The following SAMMSON variants were observed in gnomAD, a reference collection of about 807,000 sequenced individuals.
SAMMSON encodes survival associated mitochondrial melanoma specific oncogenic non-coding RNA.
At chr3:70,023,253 G>A (rs533504189) in intron 3 of SAMMSON, among the ~76,000 whole-genome samples, 219 of 151,948 alleles carry the variant, frequency 1.4e-3, no homozygotes, top group Middle Eastern at 6.8e-3. Context: ...TCAGGAGATC[G>A]AGACCATCCT....
At chr3:70,081,907 G>A (rs2067269330) in intron 4 of SAMMSON, among the ~76,000 whole-genome samples, 1 of 152,206 alleles carries the variant, frequency 6.6e-6, no homozygotes, top group African/African-American at 2.4e-5. Flanking sequence ...CAAGTCATGA[G>A]GAGAAAGATG....
chr3:70,187,043 C>T (rs868155881), intron 4 of SAMMSON, among the ~76,000 whole-genome samples: 69 of 152,182 alleles, frequency 4.5e-4, no homozygotes, highest in African/African-American at 1.5e-3. Context: ...ATGGGCCTTT[C>T]GTCTTTCTCT....
intron 7 of SAMMSON, among the ~76,000 whole-genome samples, chr3:70,309,728 C>T (rs1419681072): frequency 4.6e-5 from 7 of 152,102 alleles, no homozygotes; most frequent in Non-Finnish European, 4.4e-5. Context: ...CCTGATAATT[C>T]CCAATTAAGA....
intron 4 of SAMMSON, among the ~76,000 whole-genome samples, chr3:70,100,773 A>T (rs1406037858): frequency 6.6e-6 from 1 of 152,172 alleles, no homozygotes; most frequent in Non-Finnish European, 1.5e-5. Flanking sequence ...GGGGGGAAAA[A>T]ATCAACATAC....
At chr3:70,012,958 C>G (rs960631287) in intron 2 of SAMMSON, among the ~76,000 whole-genome samples, 6 of 152,140 alleles carry the variant, frequency 3.9e-5, no homozygotes, top group African/African-American at 1.4e-4. Context: ...AAGAAGATAA[C>G]TGTGATCAAT....
rs560660831 is a variant in SAMMSON at position 70,289,450 on chromosome 3, C to T, written n.675-1729C>T. 4.8e-3 allele frequency among the ~76,000 whole-genome samples: 716 copies of T among 149,348 alleles called. 3 individuals are homozygous for T. The highest frequency in any genetic ancestry group is 0.022 in the South Asian group (101 of 4,558). ...ATCCGCTGTTAGTCTGATGGGCTTC[C>T]CTTTGAGGGTAACCCAACCTTTCTC... is the stretch of plus-strand genomic sequence containing the variant. On this transcript the variant is annotated intron_variant and non_coding_transcript_variant, in intron 6 of 9. Transcript: ENST00000642114.
intron 6 of SAMMSON, among the ~76,000 whole-genome samples, chr3:70,265,728 AG>A (rs1390910831): frequency 6.6e-6 from 1 of 152,220 alleles, no homozygotes; most frequent in Non-Finnish European, 1.5e-5. Context: ...CAAAGAAAAA[AG>A]GTTTAATTGA....
chr3:70,414,120 C>T (rs1198610239), intron 2 of SAMMSON, among the ~76,000 whole-genome samples: 1 of 152,154 alleles, frequency 6.6e-6, no homozygotes, highest in East Asian at 1.9e-4. Flanking sequence ...CTCTGAAAAT[C>T]TCTAGTTTCT....
At chr3:70,179,015 A>G (rs1169271299) in intron 4 of SAMMSON, among the ~76,000 whole-genome samples, 2 of 152,100 alleles carry the variant, frequency 1.3e-5, no homozygotes, top group East Asian at 3.9e-4. Flanking sequence ...TAATAGTAAT[A>G]ATAATAATAA....
intron 3 of SAMMSON, among the ~76,000 whole-genome samples, chr3:70,019,281 T>A (rs11924781): frequency 0.71 from 107,377 of 152,094 alleles, 40,258 homozygotes; most frequent in East Asian, 1. Context: ...TTGGGTGCAT[T>A]TATATTTAGG....
intron 4 of SAMMSON, among the ~76,000 whole-genome samples, chr3:70,169,132 G>A (rs2067650914): frequency 6.6e-6 from 1 of 151,976 alleles, no homozygotes; most frequent in Non-Finnish European, 1.5e-5. Context: ...TGTGTTTAAT[G>A]TCACAGATCT....
chr3:70,058,045 C>G (rs181121773), intron 3 of SAMMSON, among the ~76,000 whole-genome samples: 54 of 152,102 alleles, frequency 3.6e-4, no homozygotes, highest in Non-Finnish European at 1.0e-4. Flanking sequence ...CTGAATTAGT[C>G]AAAATATCTC....
intron 7 of SAMMSON, chr3:70,312,075 T>A (rs192616093): frequency 4.4e-4 from 174 of 392,434 alleles, no homozygotes; most frequent in Non-Finnish European, 6.5e-4. Flanking sequence ...ATGGGAAAAT[T>A]TTATCTCTAT....
At chr3:70,034,130 G>GA (rs568447458) in intron 3 of SAMMSON, among the ~76,000 whole-genome samples, 345 of 152,272 alleles carry the variant, frequency 2.3e-3, no homozygotes, top group African/African-American at 8.1e-3. Flanking sequence ...TGGTGAAGGG[G>GA]AAGGAGAGAT....
At chr3:70,228,741 CTT>C (rs74503205) in intron 4 of SAMMSON, among the ~76,000 whole-genome samples, 6 of 133,432 alleles carry the variant, frequency 4.5e-5, no homozygotes, top group Admixed American at 7.6e-5. Context: ...TTTCATGAAT[CTT>C]TTTTTTTTTT....
At chr3:70,072,020 G>T (rs2067231903) in intron 4 of SAMMSON, 2 of 151,788 alleles carry the variant, frequency 1.3e-5, no homozygotes, top group South Asian at 4.1e-4. Context: ...GGTGACTCGT[G>T]TCAAAAATAT....
intron 4 of SAMMSON, among the ~76,000 whole-genome samples, chr3:70,152,087 C>A (rs914097049): frequency 2.0e-5 from 3 of 151,832 alleles, no homozygotes; most frequent in African/African-American, 7.3e-5. Context: ...AATTATGCTG[C>A]TTTTATGCAG....
intron 7 of SAMMSON, among the ~76,000 whole-genome samples, chr3:70,350,188 T>A (rs987107619): frequency 6.6e-6 from 1 of 152,192 alleles, no homozygotes; most frequent in Non-Finnish European, 1.5e-5. Context: ...ATGCAAAAAG[T>A]GTTCCTCAAA....
At chr3:70,223,329 A>G (rs1402900343) in intron 4 of SAMMSON, among the ~76,000 whole-genome samples, 1 of 152,094 alleles carries the variant, frequency 6.6e-6, no homozygotes, top group African/African-American at 2.4e-5. Context: ...CCCAAGCCCT[A>G]TCTCTTACCA....
Sources: allele counts gnomAD v4.1 joint callset (sites outside exome capture counted in the v4.1 genomes callset), GRCh38; gene constraint gnomAD v4.1.1; transcripts MANE v1.5; gene names NCBI Gene and HGNC (gene_info 2026-07-23, HGNC 2026-07-21).